The following UHRF2 variants were observed in gnomAD, a reference collection of about 807,000 sequenced individuals.
UHRF2 encodes ubiquitin like with PHD and ring finger domains 2, also known as E3 ubiquitin-protein ligase UHRF2.
Under a neutral mutation model 96.8 loss-of-function variants are expected in UHRF2, and 23 were observed. The ratio of observed to expected loss-of-function variants is 0.24; its 90% CI spans 0.17 to 0.34. UHRF2 has a LOEUF of 0.34. Among genes scored for constraint, UHRF2 ranks in the 10% least tolerant of loss-of-function variants. The pLI, the probability that UHRF2 is intolerant of heterozygous loss-of-function variation, is 1.00. For synonymous variants in UHRF2, 385 were observed against 332.6 expected (o/e 1.16, Z -1.72); for missense variants, 685 against 981.5 (o/e 0.70, Z 4.04).
At chr9:6,496,985 C>G (rs1455513794) in intron 10 of UHRF2, 2 of 482,812 alleles carry the variant, frequency 4.1e-6, no homozygotes, top group Non-Finnish European at 7.3e-6. Context: ...TATCTGAGAA[C>G]CAATCCCCTG....
chr9:6,445,915 T>C (rs1277008905), intron 3 of UHRF2, among the ~76,000 whole-genome samples: 2 of 151,790 alleles, frequency 1.3e-5, no homozygotes, highest in Admixed American at 6.6e-5. Flanking sequence ...ATAAAACTTT[T>C]TGCTTTTCAT....
At position 6,487,182 on chromosome 9, in the gene UHRF2, C is replaced by CTTTTTTTTT. The variant is rs1171978950; in HGVS notation, c.1497+274_1497+282dup. Among the ~76,000 whole-genome samples, 95 of 69,594 alleles carry CTTTTTTTTT rather than the reference C, an allele frequency of 1.4e-3. 1 individual carries two copies. The highest frequency in any genetic ancestry group is 2.1e-3 in the Admixed American group (9 of 4,226). The allele number at this position is 69,594 out of a possible 152,430, so 45.7% of individuals were successfully genotyped here. ...TCTATAGAGCTTTTATTTTTTTTTCCTTTTTTTTTTTTTTTTTTTTTTTTT... is the reference window on the plus strand; with the variant it reads ...TCTATAGAGCTTTTATTTTTTTTTCCTTTTTTTTTTTTTTTTTTTTTTTTTTTTTTTTTT... On this transcript the variant is annotated intron_variant, in intron 9 of 15. Transcript: ENST00000276893.
chr9:6,463,466 A>G (rs1353142582), intron 4 of UHRF2, among the ~76,000 whole-genome samples: 2 of 151,634 alleles, frequency 1.3e-5, no homozygotes, highest in Non-Finnish European at 2.9e-5. Context: ...TGGCTTATGG[A>G]TAGAATTTTT....
intron 3 of UHRF2, among the ~76,000 whole-genome samples, chr9:6,443,910 G>A (rs1240904841): frequency 6.6e-6 from 1 of 152,204 alleles, no homozygotes; most frequent in Non-Finnish European, 1.5e-5. Flanking sequence ...TTCTCAGTCT[G>A]TGGTACATGA....
intron 3 of UHRF2, among the ~76,000 whole-genome samples, chr9:6,460,214 A>G (rs542123591): frequency 2.6e-5 from 4 of 152,326 alleles, no homozygotes; most frequent in South Asian, 2.1e-4. Context: ...TAGATACATA[A>G]CATATAGTTT....
intron 9 of UHRF2, among the ~76,000 whole-genome samples, chr9:6,490,963 T>G (rs1282537008): frequency 6.6e-6 from 1 of 152,240 alleles, no homozygotes; most frequent in African/African-American, 2.4e-5. Context: ...AAAAAAAGTT[T>G]CCTGAATTCT....
At chr9:6,454,098 T>G (rs781178513) in intron 3 of UHRF2, among the ~76,000 whole-genome samples, 1 of 152,186 alleles carries the variant, frequency 6.6e-6, no homozygotes, top group African/African-American at 2.4e-5. Context: ...AACCACCATA[T>G]GAGATACAGT....
rs1423117310 is a variant in UHRF2 at position 6,434,021 on chromosome 9, A to G, written c.492A>G (p.Pro164=). ...ASDGQSRGKT[P]LKNGSSCKRT... ...ATGGACAGTCACGTGGCAAAACTCC[A>G]CTGAAGAATGGCAGTTCTTGTAAAA... is the stretch of plus-strand genomic sequence containing the variant. The change falls in exon 3 of 16, where the codon CCA becomes CCG. Residue 164 remains proline (P), a synonymous_variant. Coordinates refer to ENST00000276893, the MANE Select transcript of UHRF2 (RefSeq NM_152896.3). 3.1e-6 allele frequency: 5 copies of G among 1,614,124 alleles called. No homozygotes were observed. Among genetic ancestry groups the G allele is most frequent in the Non-Finnish European group, 4.2e-6 (5 of 1,180,020 alleles).
chr9:6,415,222 A>C (rs1819526589), intron 1 of UHRF2: 1 of 152,220 alleles, frequency 6.6e-6, no homozygotes. Flanking sequence ...CAAGGCAACA[A>C]AGTAGACTTT....
rs1171172143 is a variant in UHRF2 at position 6,428,533 on chromosome 9, C to CT, written c.385-5343dup. 4.4e-4 allele frequency among the ~76,000 whole-genome samples: 29 copies of CT among 65,414 alleles called. 2 individuals carry two copies. Among genetic ancestry groups the CT allele is most frequent in the Non-Finnish European group, 6.6e-4 (25 of 37,884 alleles). 42.9% of individuals were successfully genotyped at this position (65,414 alleles called of 152,430 possible). ...TGTAAATGGAACCATATTGCTTTTG[C>CT]TTTTTTTTTTTTTTTTTTTTTTTTT... On this transcript the variant is annotated intron_variant, in intron 2 of 15. Coordinates refer to ENST00000276893, the MANE Select transcript of UHRF2 (RefSeq NM_152896.3).
chr9:6,474,047 A>G (rs1221329066), intron 4 of UHRF2, among the ~76,000 whole-genome samples: 1 of 152,208 alleles, frequency 6.6e-6, no homozygotes, highest in African/African-American at 2.4e-5. Flanking sequence ...TTAGGGAGGT[A>G]GACAAGTGAC....
intron 8 of UHRF2, among the ~76,000 whole-genome samples, chr9:6,484,419 C>G (rs1824128438): frequency 6.7e-6 from 1 of 148,294 alleles, no homozygotes; most frequent in Admixed American, 6.7e-5. Flanking sequence ...TCCCTCCTCC[C>G]TCCTCCCTCC....
intron 8 of UHRF2, among the ~76,000 whole-genome samples, chr9:6,485,118 G>A (rs911085805): frequency 6.6e-6 from 1 of 152,040 alleles, no homozygotes; most frequent in Non-Finnish European, 1.5e-5. Flanking sequence ...TGTGGAAGAT[G>A]AAACATTTAG....
chr9:6,475,344 C>T (rs762922541), intron 4 of UHRF2, 47 bp from the exon 5 acceptor site: 10 of 1,217,012 alleles, frequency 8.2e-6, no homozygotes, highest in African/African-American at 4.7e-5. Flanking sequence ...TTGTATATAC[C>T]TTAGATTTTG....
intron 2 of UHRF2, among the ~76,000 whole-genome samples, 200 bp from the exon 3 acceptor site, chr9:6,433,714 T>C (rs1218788861): frequency 6.6e-6 from 1 of 152,232 alleles, no homozygotes. Context: ...GGAAGAAAGT[T>C]AGTTTTCATC....
intron 3 of UHRF2, among the ~76,000 whole-genome samples, chr9:6,456,825 C>A (rs1413813971): frequency 6.6e-6 from 1 of 152,096 alleles, no homozygotes; most frequent in South Asian, 2.1e-4. Context: ...TCAGGATTGT[C>A]AAAGATCAGA....
At chr9:6,480,016 A>G (rs1437108595) in intron 6 of UHRF2, among the ~76,000 whole-genome samples, 1 of 152,054 alleles carries the variant, frequency 6.6e-6, no homozygotes, top group Non-Finnish European at 1.5e-5. Flanking sequence ...ATGTCTTCCT[A>G]TTTCACTTAG....
chr9:6,500,924 C>T (rs1816258408), intron 14 of UHRF2, among the ~76,000 whole-genome samples: 1 of 152,158 alleles, frequency 6.6e-6, no homozygotes, highest in Non-Finnish European at 1.5e-5. Flanking sequence ...TTTGACTTCT[C>T]TATGCCCAAA....
chr9:6,483,381 C>T (rs1171727027), intron 8 of UHRF2, among the ~76,000 whole-genome samples: 2 of 149,390 alleles, frequency 1.3e-5, no homozygotes, highest in South Asian at 2.1e-4. Context: ...TTTCATATAA[C>T]CTATGCACAT....
Sources: allele counts gnomAD v4.1 joint callset (sites outside exome capture counted in the v4.1 genomes callset), GRCh38; gene constraint gnomAD v4.1.1; transcripts MANE v1.5; gene names NCBI Gene and HGNC (gene_info 2026-07-23, HGNC 2026-07-21).